Variants in LGR4 observed in about 807,000 individuals in gnomAD.
LGR4 encodes leucine rich repeat containing G protein-coupled receptor 4.
In LGR4, 44 loss-of-function variants were observed where a neutral mutation model predicts 84.8. That is an observed-to-expected ratio of 0.52 (90% CI 0.41 to 0.67). LGR4 has a LOEUF of 0.67. Ranked by LOEUF, LGR4 falls within the 30% of genes least tolerant of loss-of-function variation. The pLI is 0.00. For synonymous variants in LGR4, 429 were observed against 434.3 expected (o/e 0.99, Z 0.15); for missense variants, 1,032 against 1,131.4 (o/e 0.91, Z 1.26).
Position 27,448,574 on chromosome 11 carries a change from G to T in LGR4, c.185+23544C>A, listed in dbSNP as rs1344686535. ...CCCAAAGTGCTAGGATTACAGGCGT[G>T]AGCCACCGCGCCCTGCCTCAGTTGT... On this transcript the variant is annotated intron_variant, in intron 1 of 17. Coordinates refer to ENST00000379214, the MANE Select transcript of LGR4 (RefSeq NM_018490.5). 1.2e-4 allele frequency among the ~76,000 whole-genome samples: 18 copies of T among 152,172 alleles called. No individual in the cohort carries two copies. The South Asian group carries it at 3.7e-3, about 32-fold the overall frequency.
intron 1 of LGR4, among the ~76,000 whole-genome samples, chr11:27,446,944 C>G (rs1424675965): frequency 6.6e-6 from 1 of 151,712 alleles, no homozygotes; most frequent in Non-Finnish European, 1.5e-5. Context: ...GACAGAAAAC[C>G]AAACACCGCA....
In LGR4 at chr11:27,373,672, C is replaced by A. The variant is rs775713650; in HGVS notation, c.1258G>T (p.Val420Leu). The A allele has an allele frequency of 7.6e-6, 12 of 1,571,022 alleles. No homozygotes were observed. Among genetic ancestry groups the A allele is most frequent in the Non-Finnish European group, 1.0e-5 (12 of 1,156,466 alleles). The part of the protein sequence containing the change: ...ATLGPITNLD[V>L]SFNELTSFPT... ...AAGGAAGTTAATTCATTGAAACTTACATCTCTAAAATATGAATGAGACTTC... is the reference window on the plus strand; with the variant it reads ...AAGGAAGTTAATTCATTGAAACTTAAATCTCTAAAATATGAATGAGACTTC... Residue 420 changes from valine to leucine, a missense_variant, in exon 15 of 18, where the codon GTA becomes TTA. Val to Leu is a conservative substitution (Grantham distance 32). Coordinates refer to ENST00000379214, the MANE Select transcript of LGR4 (RefSeq NM_018490.5).
At chr11:27,381,583 AAGATGGGAG>A (rs1305035257) in intron 7 of LGR4, among the ~76,000 whole-genome samples, 1 of 152,084 alleles carries the variant, frequency 6.6e-6, no homozygotes, top group East Asian at 1.9e-4. Flanking sequence ...CCAGGAAGCT[AAGATGGGAG>A]GATCACCTGA....
chr11:27,412,885 T>C (rs2133398727), intron 1 of LGR4, 25 bp from the exon 2 acceptor site: 2 of 1,469,680 alleles, frequency 1.4e-6, no homozygotes, highest in Non-Finnish European at 9.5e-7. Flanking sequence ...GTTAAGAATA[T>C]TGTTAATTAA....
chr11:27,452,806 T>G (rs1423704855), intron 1 of LGR4, among the ~76,000 whole-genome samples: 1 of 149,802 alleles, frequency 6.7e-6, no homozygotes, highest in Non-Finnish European at 1.5e-5. Context: ...TTTTTTTTTT[T>G]GTATTTTTAG....
chr11:27,373,669 T>C lies in LGR4; in HGVS notation c.1261A>G (p.Ser421Gly), dbSNP rs552191763. Residue 421 changes from serine (S) to glycine (G), a missense_variant, in exon 15 of 18, where the codon AGT (serine) becomes GGT (glycine). By Grantham distance (56) the Ser-to-Gly change is moderately conservative. Coordinates refer to ENST00000379214, the MANE Select transcript of LGR4 (RefSeq NM_018490.5). Reference protein sequence around the residue: ...TLGPITNLDVSFNELTSFPTE... With the variant: ...TLGPITNLDVGFNELTSFPTE... ...GGAAAGGAAGTTAATTCATTGAAAC[T>C]TACATCTCTAAAATATGAATGAGAC... 100 of 1,572,558 alleles carry C rather than the reference T, an allele frequency of 6.4e-5. 1 individual carries two copies. The South Asian group carries it at 1.2e-3, about 18-fold the overall frequency.
intron 2 of LGR4, among the ~76,000 whole-genome samples, chr11:27,411,315 G>C (rs892629571): frequency 1.3e-5 from 2 of 151,634 alleles, no homozygotes; most frequent in Non-Finnish European, 2.9e-5. Context: ...TGGATGGTTT[G>C]CTTCTTTTAA....
At chr11:27,379,362 T>A (rs1157177694) in intron 10 of LGR4, among the ~76,000 whole-genome samples, 5 of 152,190 alleles carry the variant, frequency 3.3e-5, no homozygotes, top group African/African-American at 1.2e-4. Context: ...GACCTGGAGC[T>A]GTCATAATTC....
chr11:27,428,749 T>G lies in LGR4; in HGVS notation c.186-15889A>C, dbSNP rs138360483. On this transcript the variant is annotated intron_variant, in intron 1 of 17. Transcript: ENST00000379214. ...AAGGTGAACTTTTCTTTCTTTCTTT[T>G]TTTTGTTTTTTTACGACATAGGCTC... Among the ~76,000 whole-genome samples, 632 of 152,174 alleles carry G rather than the reference T, an allele frequency of 4.2e-3. 3 individuals carry two copies. The highest frequency in any genetic ancestry group is 6.5e-3 in the Non-Finnish European group (441 of 68,034).
chr11:27,423,416 G>A (rs772907448), intron 1 of LGR4, among the ~76,000 whole-genome samples: 1 of 152,218 alleles, frequency 6.6e-6, no homozygotes, highest in African/African-American at 2.4e-5. Context: ...GCGATGAGGC[G>A]TGCAGACTCC....
intron 1 of LGR4, among the ~76,000 whole-genome samples, chr11:27,458,753 G>A (rs777649718): frequency 1.3e-5 from 2 of 152,012 alleles, no homozygotes; most frequent in Non-Finnish European, 2.9e-5. Flanking sequence ...TGGCCAGGCT[G>A]GTCTCGAACT....
intron 8 of LGR4, 52 bp from the exon 9 acceptor site, chr11:27,380,763 A>G (rs1863077370): frequency 3.1e-6 from 4 of 1,293,142 alleles, no homozygotes; most frequent in South Asian, 1.2e-5. Flanking sequence ...CAAGCACTCT[A>G]ATATTAACTC....
chr11:27,445,342 C>T (rs906052879), intron 1 of LGR4, among the ~76,000 whole-genome samples: 2 of 152,114 alleles, frequency 1.3e-5, no homozygotes, highest in African/African-American at 4.8e-5. Context: ...AATCATGACC[C>T]TGGATATATA....
chr11:27,396,997 T>TG (rs1339814679), intron 2 of LGR4, among the ~76,000 whole-genome samples: 1 of 152,088 alleles, frequency 6.6e-6, no homozygotes, highest in African/African-American at 2.4e-5. Flanking sequence ...TATCACCTGA[T>TG]TTTTTTTCCT....
chr11:27,373,436 C>T, intron 15 of LGR4, 115 bp downstream of exon 15: 1 of 990,644 alleles, frequency 1.0e-6, no homozygotes, highest in Non-Finnish European at 1.4e-6. Flanking sequence ...GTAGAAAACA[C>T]CCTTAAATTA....
At chr11:27,392,958 T>C (rs1335737819) in intron 2 of LGR4, among the ~76,000 whole-genome samples, 1 of 152,188 alleles carries the variant, frequency 6.6e-6, no homozygotes, top group African/African-American at 2.4e-5. Context: ...CTGTTATCTC[T>C]GCATAACCAA....
rs72887891 is a variant in LGR4, at chr11:27,375,651, C to T, written c.1181+648G>A. Among the ~76,000 whole-genome samples, 946 of 152,256 alleles carry T rather than the reference C, an allele frequency of 6.2e-3. 3 individuals are homozygous for T. The highest frequency in any genetic ancestry group is 0.01 in the Non-Finnish European group (681 of 68,024). ...ATAGTGGGGTGAGAGCAGCTTTAGACGGCACTTTAATAATAAAGGCCTGGC... is the reference window on the plus strand; with the variant it reads ...ATAGTGGGGTGAGAGCAGCTTTAGATGGCACTTTAATAATAAAGGCCTGGC... On this transcript the variant is annotated intron_variant, in intron 13 of 17. Coordinates refer to ENST00000379214, the MANE Select transcript of LGR4 (RefSeq NM_018490.5).
chr11:27,395,413 TCTTAA>T (rs1327935528), intron 2 of LGR4, among the ~76,000 whole-genome samples: 12 of 152,186 alleles, frequency 7.9e-5, no homozygotes, highest in African/African-American at 1.2e-4. Context: ...CACCTGATTA[TCTTAA>T]CTTGTCAACA....
intron 1 of LGR4, among the ~76,000 whole-genome samples, chr11:27,462,909 G>T (rs1864707669): frequency 6.6e-6 from 1 of 151,438 alleles, no homozygotes; most frequent in Non-Finnish European, 1.5e-5. Flanking sequence ...AACCATTTTT[G>T]AAAATCTATT....
Sources: gnomAD v4.1 joint callset for allele counts (sites outside exome capture counted in the v4.1 genomes callset) on GRCh38, gnomAD v4.1.1 for gene constraint, MANE v1.5 for transcripts, NCBI Gene and HGNC (gene_info 2026-07-23, HGNC 2026-07-21) for gene names.